The following SGCZ variants were observed in gnomAD, a reference collection of about 807,000 sequenced individuals.
SGCZ encodes the protein zeta-sarcoglycan.
In SGCZ, 40 loss-of-function variants were observed where a neutral mutation model predicts 41.3. The ratio of observed to expected loss-of-function variants is 0.97; its 90% CI spans 0.75 to 1.26. The LOEUF (loss-of-function observed/expected upper bound fraction) is 1.26. Among genes scored for constraint, SGCZ ranks in the 50% most tolerant of loss-of-function variants. The pLI, the probability that SGCZ is intolerant of heterozygous loss-of-function variation, is 0.00. For missense variants in SGCZ, 552 were observed against 369.8 expected, an observed-to-expected ratio of 1.49 and a Z score of -4.04; for synonymous variants, 206 against 137.5, an observed-to-expected ratio of 1.50 and a Z score of -3.49.
intron 3 of SGCZ, among the ~76,000 whole-genome samples, chr8:14,252,214 C>G (rs1799314162): frequency 6.6e-6 from 1 of 151,992 alleles, no homozygotes; most frequent in Non-Finnish European, 1.5e-5. Context: ...TGGCTTATGG[C>G]TTCATATCTT....
intron 1 of SGCZ, among the ~76,000 whole-genome samples, chr8:15,024,477 G>C (rs548614501): frequency 6.6e-6 from 1 of 152,082 alleles, no homozygotes; most frequent in African/African-American, 2.4e-5. Context: ...TGGTTCTGTA[G>C]AGTTATACTC....
At chr8:14,685,543 T>G (rs1485086697) in intron 1 of SGCZ, among the ~76,000 whole-genome samples, 2 of 152,138 alleles carry the variant, frequency 1.3e-5, no homozygotes, top group Non-Finnish European at 2.9e-5. Context: ...CTACTAATAT[T>G]GCTATTCATT....
At chr8:14,742,454 G>C (rs1799222849) in intron 1 of SGCZ, among the ~76,000 whole-genome samples, 1 of 151,976 alleles carries the variant, frequency 6.6e-6, no homozygotes, top group South Asian at 2.1e-4. Context: ...GAAAATTTAA[G>C]CACCTATGCC....
At chr8:14,464,130 T>C (rs1323490211) in intron 2 of SGCZ, among the ~76,000 whole-genome samples, 2 of 151,676 alleles carry the variant, frequency 1.3e-5, no homozygotes, top group Non-Finnish European at 3.0e-5. Flanking sequence ...GCTTACCACA[T>C]AGGCTGATGT....
At chr8:14,406,097 CT>C (rs11321632) in intron 2 of SGCZ, among the ~76,000 whole-genome samples, 20,371 of 151,980 alleles carry the variant, frequency 0.13, 2,982 homozygotes, top group African/African-American at 0.36. Flanking sequence ...CTACTGCTTG[CT>C]TAAGTAAACT....
At chr8:14,896,678 T>C (rs1284846540) in intron 1 of SGCZ, among the ~76,000 whole-genome samples, 1 of 151,836 alleles carries the variant, frequency 6.6e-6, no homozygotes, top group African/African-American at 2.4e-5. Context: ...GGTTTCACCA[T>C]GTTGGTCAAG....
chr8:14,335,000 A>G (rs1381709452), intron 2 of SGCZ, among the ~76,000 whole-genome samples: 1 of 152,098 alleles, frequency 6.6e-6, no homozygotes, highest in Non-Finnish European at 1.5e-5. Flanking sequence ...CTGAGCTGGG[A>G]CTGAGGAACT....
intron 3 of SGCZ, among the ~76,000 whole-genome samples, chr8:14,296,547 G>A (rs548252324): frequency 6.6e-6 from 1 of 152,022 alleles, no homozygotes; most frequent in South Asian, 2.1e-4. Flanking sequence ...ATCAACATAA[G>A]AAACAATATG....
intron 3 of SGCZ, chr8:14,309,035 G>A: frequency 7.9e-7 from 1 of 1,262,154 alleles, no homozygotes; most frequent in East Asian, 2.3e-5. Context: ...AATGAAACCG[G>A]AAGCCTCCCC....
intron 1 of SGCZ, among the ~76,000 whole-genome samples, chr8:14,828,880 C>T (rs1284885579): frequency 6.6e-6 from 1 of 152,142 alleles, no homozygotes; most frequent in Admixed American, 6.5e-5. Flanking sequence ...CAAACAAGGA[C>T]AATTTTGCAA....
At position 14,512,737 on chromosome 8, in the gene SGCZ, C is replaced by T. The variant is rs548118937; in HGVS notation, c.234+41995G>A. ...GCTTCAGCCTTCCAATGGGCTGGGACGATAAGTGTGCATCACCACACCCGG... is the reference window on the plus strand; with the variant it reads ...GCTTCAGCCTTCCAATGGGCTGGGATGATAAGTGTGCATCACCACACCCGG... On this transcript the variant is annotated intron_variant, in intron 2 of 7. Transcript: ENST00000382080. Among the ~76,000 whole-genome samples, 8 of 151,794 alleles carry T rather than the reference C, an allele frequency of 5.3e-5. No individual in the cohort carries two copies. The South Asian group carries it at 8.3e-4, about 16-fold the overall frequency.
chr8:15,035,153 C>T lies in SGCZ; in HGVS notation c.39+202432G>A, dbSNP rs191827066. Among the ~76,000 whole-genome samples the T allele has an allele frequency of 2.6e-5, 4 of 151,970 alleles. No homozygotes were observed. The East Asian group carries it at 7.8e-4, about 29-fold the overall frequency. On this transcript the variant is annotated intron_variant, in intron 1 of 7. Transcript: ENST00000382080. Reference sequence around the variant, plus strand: ...TGATAATAATAGCTATAATAACTTGCTAGGGGAAACACAATATAAAGAGGT... The same window carrying T: ...TGATAATAATAGCTATAATAACTTGTTAGGGGAAACACAATATAAAGAGGT...
intron 2 of SGCZ, among the ~76,000 whole-genome samples, chr8:14,335,649 C>T (rs944625811): frequency 2.0e-5 from 3 of 152,042 alleles, no homozygotes; most frequent in African/African-American, 7.2e-5. Context: ...CTCTCCAATC[C>T]TTTTCCTCCT....
At chr8:14,198,841 G>C (rs1398596175) in intron 4 of SGCZ, among the ~76,000 whole-genome samples, 1 of 152,282 alleles carries the variant, frequency 6.6e-6, no homozygotes, top group African/African-American at 2.4e-5. Flanking sequence ...ACATTGTGAA[G>C]ATTTAATGGA....
At chr8:15,223,051 A>T (rs889003719) in intron 1 of SGCZ, among the ~76,000 whole-genome samples, 1 of 152,112 alleles carries the variant, frequency 6.6e-6, no homozygotes, top group Non-Finnish European at 1.5e-5. Flanking sequence ...TGGTAAGGAG[A>T]TGAGAGAATC....
At chr8:14,750,315 T>G (rs910832523) in intron 1 of SGCZ, among the ~76,000 whole-genome samples, 1 of 152,134 alleles carries the variant, frequency 6.6e-6, no homozygotes, top group African/African-American at 2.4e-5. Flanking sequence ...TTTTATGACA[T>G]TAAAGATTCA....
At chr8:14,809,480 T>G (rs924841890) in intron 1 of SGCZ, among the ~76,000 whole-genome samples, 14 of 152,126 alleles carry the variant, frequency 9.2e-5, no homozygotes, top group African/African-American at 3.4e-4. Flanking sequence ...AAGAATTTTT[T>G]CGGCATAGAA....
intron 2 of SGCZ, among the ~76,000 whole-genome samples, chr8:14,349,848 C>A (rs895167399): frequency 2.6e-5 from 4 of 152,000 alleles, no homozygotes; most frequent in Admixed American, 2.6e-4. Context: ...AGTTCTATGA[C>A]CAAATAAGTT....
chr8:14,762,673 T>A (rs1319560569), intron 1 of SGCZ, among the ~76,000 whole-genome samples: 1 of 152,238 alleles, frequency 6.6e-6, no homozygotes, highest in Non-Finnish European at 1.5e-5. Context: ...TTCTATCCTA[T>A]GATTTGTTGA....
Sources: allele counts gnomAD v4.1 joint callset (sites outside exome capture counted in the v4.1 genomes callset), GRCh38; gene constraint gnomAD v4.1.1; transcripts MANE v1.5; gene names NCBI Gene and HGNC (gene_info 2026-07-23, HGNC 2026-07-21).